The following GPHN variants were observed in gnomAD, a reference collection of about 807,000 sequenced individuals.
The protein encoded by GPHN is gephyrin.
Under a neutral mutation model 95.5 loss-of-function variants are expected in GPHN, and 17 were observed. The observed-to-expected ratio is 0.18, with a 90% CI of 0.12 to 0.27. The LOEUF (loss-of-function observed/expected upper bound fraction) is 0.27, where lower values mean the gene tolerates loss of function less well. GPHN is among the 10% of genes least tolerant of loss of function. GPHN has a pLI of 1.00. For synonymous variants in GPHN, 320 were observed against 322.5 expected (o/e 0.99, Z 0.08); for missense variants, 660 against 978.1 (o/e 0.67, Z 4.34).
intron 4 of GPHN, among the ~76,000 whole-genome samples, chr14:66,854,166 C>T (rs2062704769): frequency 6.6e-6 from 1 of 152,182 alleles, no homozygotes; most frequent in South Asian, 2.1e-4. Context: ...AATAACCTAT[C>T]TAATCACTGC....
chr14:67,029,636 C>T (rs1177626688), intron 10 of GPHN, among the ~76,000 whole-genome samples: 1 of 152,204 alleles, frequency 6.6e-6, no homozygotes, highest in East Asian at 1.9e-4. Flanking sequence ...TGCGCCCAGC[C>T]TTATCATTAT....
intron 16 of GPHN, among the ~76,000 whole-genome samples, chr14:67,115,946 A>G (rs1024049922): frequency 6.6e-6 from 1 of 152,202 alleles, no homozygotes; most frequent in Non-Finnish European, 1.5e-5. Flanking sequence ...AGAGTTATCA[A>G]CTATAGCTAA....
intron 10 of GPHN, among the ~76,000 whole-genome samples, chr14:67,045,585 GTCTGTCTGTCTCTCTGTC>G (rs2153638845): frequency 6.9e-6 from 1 of 145,514 alleles, no homozygotes; most frequent in East Asian, 2.1e-4. Flanking sequence ...CTGTCTCAGT[GTCTGTCTGTCTCTCTGTC>G]TCTGTCTGTG....
the GPHN span, among the ~76,000 whole-genome samples, chr14:67,504,722 TA>T: frequency 1.3e-5 from 2 of 152,132 alleles, no homozygotes; most frequent in African/African-American, 4.8e-5. Flanking sequence ...CTGTCTCTAC[TA>T]AAAATACAAA....
intron 2 of GPHN, chr14:66,709,317 A>G (rs1435369630): frequency 4.4e-6 from 2 of 455,768 alleles, no homozygotes; most frequent in Admixed American, 2.4e-5. Context: ...AGCCCCATCT[A>G]TCACATTAAG....
chr14:67,204,871 A>G, the GPHN span: 34 of 1,613,878 alleles, frequency 2.1e-5, no homozygotes, highest in African/African-American at 4.0e-5. Context: ...CAGGGACAGC[A>G]TAGATTTCCC....
rs1172451199 is a variant in GPHN at position 66,773,993 on chromosome 14, G to GTTT, written c.144-2445_144-2443dup. ...GGTAATTGAGCATCATATCTAGAAA[G>GTTT]TTTTTTTTTTTTTTTTTTTTTTTTT... is the stretch of plus-strand genomic sequence containing the variant. On this transcript the variant is annotated intron_variant, in intron 2 of 22. Transcript: ENST00000478722. Among the ~76,000 whole-genome samples the GTTT allele has an allele frequency of 5.0e-4, 45 of 89,974 alleles. 1 individual carries two copies. The highest frequency in any genetic ancestry group is 7.6e-4 in the East Asian group (2 of 2,638). The allele number at this position is 89,974 out of a possible 152,430, so 59.0% of individuals were successfully genotyped here.
the GPHN span, among the ~76,000 whole-genome samples, chr14:67,584,523 G>A: frequency 5.3e-5 from 8 of 152,204 alleles, no homozygotes; most frequent in Non-Finnish European, 2.9e-5. Flanking sequence ...TTTCACCTCT[G>A]TATGAAGGCC....
At chr14:67,195,066 A>G in the GPHN span, among the ~76,000 whole-genome samples, 64 of 152,280 alleles carry the variant, frequency 4.2e-4, 1 homozygote, top group Non-Finnish European at 6.0e-4. Context: ...GTGCACAGGT[A>G]TCTCAAATCA....
the GPHN span, among the ~76,000 whole-genome samples, chr14:67,347,048 G>A: frequency 2.1e-4 from 32 of 152,076 alleles, no homozygotes; most frequent in Admixed American, 1.3e-4. Context: ...GTGCAGTGGC[G>A]TGATCAGAAC....
At chr14:67,735,298 A>G in the GPHN span, 2 of 857,092 alleles carry the variant, frequency 2.3e-6, no homozygotes, top group African/African-American at 3.3e-5. Context: ...GCTACATCTC[A>G]CCTCTCTGTA....
At chr14:67,397,893 G>A in the GPHN span, 15 of 1,327,346 alleles carry the variant, frequency 1.1e-5, no homozygotes, top group African/African-American at 2.9e-5. Flanking sequence ...CAGGGAGGGG[G>A]TGTCTGGTGG....
chr14:66,901,323 T>C (rs1187939790), intron 5 of GPHN, among the ~76,000 whole-genome samples: 1 of 152,108 alleles, frequency 6.6e-6, no homozygotes, highest in Non-Finnish European at 1.5e-5. Context: ...TCTTCCATTC[T>C]GTGGGTTGTC....
At chr14:67,687,467 C>T in the GPHN span, among the ~76,000 whole-genome samples, 306 of 79,692 alleles carry the variant, frequency 3.8e-3, 11 homozygotes, top group East Asian at 4.3e-3. Flanking sequence ...CTCCATATTC[C>T]TTTTTTTTTT....
the GPHN span, chr14:67,646,506 A>G: frequency 1.6e-6 from 1 of 622,968 alleles, no homozygotes; most frequent in African/African-American, 1.9e-5. Context: ...TTCCCAGATC[A>G]AGTGTGTCCT....
intron 1 of GPHN, among the ~76,000 whole-genome samples, chr14:66,515,170 T>C (rs1015918533): frequency 5.3e-5 from 8 of 152,194 alleles, no homozygotes; most frequent in African/African-American, 1.9e-4. Flanking sequence ...ACATGTCTTA[T>C]TCAAAGTAGA....
chr14:66,993,135 C>A (rs778414628), intron 9 of GPHN, among the ~76,000 whole-genome samples: 2 of 152,106 alleles, frequency 1.3e-5, no homozygotes, highest in Non-Finnish European at 2.9e-5. Flanking sequence ...TCAGATTATT[C>A]TACAAGGAAG....
At chr14:66,818,980 T>C (rs1468243322) in intron 3 of GPHN, among the ~76,000 whole-genome samples, 1 of 152,214 alleles carries the variant, frequency 6.6e-6, no homozygotes. Flanking sequence ...AAATGCTGGA[T>C]ATTAGACCTT....
At chr14:66,714,672 A>G (rs1233879162) in intron 2 of GPHN, among the ~76,000 whole-genome samples, 1 of 152,084 alleles carries the variant, frequency 6.6e-6, no homozygotes, top group Non-Finnish European at 1.5e-5. Flanking sequence ...TTTTGCTGAG[A>G]GTTTTAATCA....
Sources: allele counts gnomAD v4.1 joint callset (sites outside exome capture counted in the v4.1 genomes callset), GRCh38; gene constraint gnomAD v4.1.1; transcripts MANE v1.5; gene names NCBI Gene and HGNC (gene_info 2026-07-23, HGNC 2026-07-21).